Variants in ST8SIA4 observed in about 807,000 individuals in gnomAD.
The protein encoded by ST8SIA4 is ST8 alpha-N-acetyl-neuraminide alpha-2,8-sialyltransferase 4, also known as CMP-N-acetylneuraminate-poly-alpha-2,8-sialyltransferase.
Under a neutral mutation model 33.9 loss-of-function variants are expected in ST8SIA4, and 15 were observed. The ratio of observed to expected loss-of-function variants is 0.44; its 90% confidence interval spans 0.30 to 0.68. ST8SIA4 has a LOEUF of 0.68. Among genes scored for constraint, ST8SIA4 ranks in the 30% least tolerant of loss-of-function variants. The pLI is 0.10. For missense variants in ST8SIA4, 321 were observed against 428.0 expected, an observed-to-expected ratio of 0.75 and a Z score of 2.21; for synonymous variants, 171 against 151.2, an observed-to-expected ratio of 1.13 and a Z score of -0.96.
intron 4 of ST8SIA4, among the ~76,000 whole-genome samples, chr5:100,840,151 T>C (rs1751443269): frequency 6.6e-6 from 1 of 151,850 alleles, no homozygotes; most frequent in Non-Finnish European, 1.5e-5. Flanking sequence ...GAAATGAGAA[T>C]TTTCAAATGT....
rs1187414201 is a variant in ST8SIA4 at position 100,809,219 on chromosome 5, G to A, written c.*2628C>T. 6.6e-6 allele frequency: 1 copy of A among 152,322 alleles called. No individual in the cohort carries two copies. Among genetic ancestry groups the A allele is most frequent in the Non-Finnish European group, 1.5e-5 (1 of 68,052 alleles). The allele number at this position is 152,322 out of a possible 1,614,324, so 9.4% of individuals were successfully genotyped here. A position where few individuals can be genotyped will look rare whatever the true frequency, so the allele number is the denominator to read the frequency against. ...AATCCCAGCACTTTGGGAGGCTGAG[G>A]TGGGTGGATAACCTGAGGTCAGGAA... On this transcript the variant is annotated 3_prime_UTR_variant, in exon 5 of 5. Coordinates refer to ENST00000231461, the MANE Select transcript of ST8SIA4 (RefSeq NM_005668.6).
intron 4 of ST8SIA4, among the ~76,000 whole-genome samples, chr5:100,841,700 C>T (rs1240695785): frequency 6.6e-6 from 1 of 151,836 alleles, no homozygotes; most frequent in African/African-American, 2.4e-5. Flanking sequence ...TAGACACCCT[C>T]CACTGGTAAC....
intron 3 of ST8SIA4, among the ~76,000 whole-genome samples, chr5:100,857,704 A>G (rs1428712220): frequency 6.6e-6 from 1 of 152,014 alleles, no homozygotes; most frequent in Non-Finnish European, 1.5e-5. Flanking sequence ...GTGTTCTGAT[A>G]CTAAAAATAC....
In ST8SIA4 at chr5:100,902,923, G is replaced by T. The variant is rs1207429727; in HGVS notation, c.33C>A (p.Cys11Ter). 1 of 1,614,170 alleles carries T rather than the reference G, an allele frequency of 6.2e-7. No homozygotes were observed. Among genetic ancestry groups the T allele is most frequent in the Admixed American group, 1.7e-5 (1 of 60,018 alleles). Reference sequence around the variant, plus strand: ...AAAAGATCAGGAGCAGACTTATTGTGCAGATCGTCCACCTCTTCCTAATGG... The same window carrying T: ...AAAAGATCAGGAGCAGACTTATTGTTCAGATCGTCCACCTCTTCCTAATGG... MRSIRKRWTI[C>*]TISLLLIFYK... is the part of the protein sequence containing the mutation. Residue 11 changes from cysteine (C) to a stop codon, truncating the protein, a stop_gained, in exon 1 of 5, where the codon TGC becomes TGA. Coordinates refer to ENST00000231461, the MANE Select transcript of ST8SIA4 (RefSeq NM_005668.6). LOFTEE classifies it high-confidence loss of function.
At chr5:100,818,823 C>G (rs992793513) in intron 4 of ST8SIA4, among the ~76,000 whole-genome samples, 1 of 152,164 alleles carries the variant, frequency 6.6e-6, no homozygotes, top group East Asian at 1.9e-4. Context: ...CTACTTTATG[C>G]TCAATGATCA....
intron 4 of ST8SIA4, among the ~76,000 whole-genome samples, chr5:100,840,392 A>T (rs1561390745): frequency 6.6e-6 from 1 of 151,586 alleles, no homozygotes. Flanking sequence ...GTTTTTTTTT[A>T]GGGTACAAGT....
intron 4 of ST8SIA4, among the ~76,000 whole-genome samples, chr5:100,837,942 AAAC>A (rs1751396245): frequency 6.6e-6 from 1 of 152,064 alleles, no homozygotes; most frequent in Admixed American, 6.6e-5. Context: ...TATTCATTGG[AAAC>A]TATGCAGTAT....
intron 3 of ST8SIA4, chr5:100,885,292 G>C (rs1752511567): frequency 1.2e-6 from 1 of 868,226 alleles, no homozygotes; most frequent in Non-Finnish European, 1.4e-6. Flanking sequence ...CTTCACCCAA[G>C]AGAGAAAAGG....
chr5:100,845,850 GA>G (rs1751558068), intron 4 of ST8SIA4, among the ~76,000 whole-genome samples: 1 of 151,932 alleles, frequency 6.6e-6, no homozygotes, highest in South Asian at 2.1e-4. Flanking sequence ...ACACCCAAGA[GA>G]AAACTGTTAC....
chr5:100,830,029 TTA>T (rs1193393044), intron 4 of ST8SIA4, among the ~76,000 whole-genome samples: 1 of 152,200 alleles, frequency 6.6e-6, no homozygotes, highest in Non-Finnish European at 1.5e-5. Context: ...TATTTATTAT[TTA>T]TGTTTCATTT....
chr5:100,812,850 A>G (rs1007782943), intron 4 of ST8SIA4, among the ~76,000 whole-genome samples: 1 of 152,174 alleles, frequency 6.6e-6, no homozygotes, highest in African/African-American at 2.4e-5. Context: ...CATTGGTGTG[A>G]AAAGCACGCA....
Position 100,808,496 on chromosome 5 carries a change from A to G in ST8SIA4, c.*3351T>C, listed in dbSNP as rs1277988406. On this transcript the variant is annotated 3_prime_UTR_variant, in exon 5 of 5. Transcript: ENST00000231461. Reference sequence around the variant, plus strand: ...GAATAATAATGATGAAAATGTTTCCATGGTCTATTCATGTCAACAGCACAA... The same window carrying G: ...GAATAATAATGATGAAAATGTTTCCGTGGTCTATTCATGTCAACAGCACAA... 1 of 152,594 alleles carries G rather than the reference A, an allele frequency of 6.6e-6. No homozygotes were observed. The allele number at this position is 152,594 out of a possible 1,614,324, so 9.5% of individuals were successfully genotyped here.
chr5:100,814,749 A>G lies in ST8SIA4; in HGVS notation c.798-2620T>C, dbSNP rs141319530. On this transcript the variant is annotated intron_variant, in intron 4 of 4. Coordinates refer to ENST00000231461, the MANE Select transcript of ST8SIA4 (RefSeq NM_005668.6). ...GTATAGGCCAATCTAAATTATTGCA[A>G]TTCGGTATTAAACCAGTAACAAATT... 3.6e-3 allele frequency among the ~76,000 whole-genome samples: 550 copies of G among 152,078 alleles called. 2 individuals are homozygous for G. Among genetic ancestry groups the G allele is most frequent in the African/African-American group, 0.012 (503 of 41,552 alleles).
At chr5:100,868,781 T>C (rs1223732893) in intron 3 of ST8SIA4, among the ~76,000 whole-genome samples, 6 of 152,054 alleles carry the variant, frequency 3.9e-5, no homozygotes, top group African/African-American at 1.4e-4. Context: ...AAAAGTCATA[T>C]TTGTTCTTAA....
At chr5:100,850,911 G>C (rs1204095567) in intron 4 of ST8SIA4, among the ~76,000 whole-genome samples, 1 of 143,100 alleles carries the variant, frequency 7.0e-6, no homozygotes, top group Non-Finnish European at 1.5e-5. Flanking sequence ...TATAAGACTA[G>C]TTTATATATA....
At chr5:100,892,855 G>C (rs1752703576) in intron 2 of ST8SIA4, among the ~76,000 whole-genome samples, 1 of 152,008 alleles carries the variant, frequency 6.6e-6, no homozygotes, top group African/African-American at 2.4e-5. Flanking sequence ...TGGACAAGGG[G>C]AGGAGAGCAT....
chr5:100,882,918 C>G (rs1398155993), intron 3 of ST8SIA4, among the ~76,000 whole-genome samples: 1 of 152,232 alleles, frequency 6.6e-6, no homozygotes, highest in East Asian at 1.9e-4. Context: ...AAGTTCGCTG[C>G]AGGGGCGGGG....
intron 4 of ST8SIA4, 67 bp downstream of exon 4, chr5:100,856,036 A>G (rs1033753428): frequency 2.2e-6 from 3 of 1,385,518 alleles, no homozygotes; most frequent in Admixed American, 4.0e-5. Context: ...ATTCTTGTCT[A>G]GTGAAAATGT....
chr5:100,814,071 T>C (rs1320493450), intron 4 of ST8SIA4, among the ~76,000 whole-genome samples: 1 of 152,044 alleles, frequency 6.6e-6, no homozygotes, highest in Non-Finnish European at 1.5e-5. Flanking sequence ...CATGTAACTA[T>C]GGTTGCTCAT....
Sources: allele counts gnomAD v4.1 joint callset (sites outside exome capture counted in the v4.1 genomes callset), GRCh38; gene constraint gnomAD v4.1.1; transcripts MANE v1.5; gene names NCBI Gene and HGNC (gene_info 2026-07-23, HGNC 2026-07-21).